The following TPP1 variants were observed in gnomAD, a reference collection of about 807,000 sequenced individuals.
The protein encoded by TPP1 is tripeptidyl-peptidase 1.
In TPP1, 43 loss-of-function variants were observed where a neutral mutation model predicts 67.6. The ratio of observed to expected loss-of-function variants is 0.64; its 90% CI spans 0.50 to 0.82. The LOEUF (loss-of-function observed/expected upper bound fraction) is 0.82, where lower values mean the gene tolerates loss of function less well. Among genes scored for constraint, TPP1 ranks in the 40% least tolerant of loss-of-function variants. The pLI is 0.00. For missense variants in TPP1, 671 were observed against 710.9 expected, an observed-to-expected ratio of 0.94 and a Z score of 0.64; for synonymous variants, 272 against 281.5, an observed-to-expected ratio of 0.97 and a Z score of 0.34.
Position 6,613,143 on chromosome 11 carries a change from C to G in TPP1, c.*1403G>C, listed in dbSNP as rs993472953. On this transcript the variant is annotated 3_prime_UTR_variant, in exon 13 of 13. Transcript: ENST00000299427. ...ACCCAGTCTCTCTCCTAGTCCATATCAGAACCAAGATTCAAACAGGTTTTG... is the reference window on the plus strand; with the variant it reads ...ACCCAGTCTCTCTCCTAGTCCATATGAGAACCAAGATTCAAACAGGTTTTG... The G allele has an allele frequency of 3.3e-5, 5 of 152,224 alleles. No individual in the cohort carries two copies. Among genetic ancestry groups the G allele is most frequent in the African/African-American group, 7.2e-5 (3 of 41,452 alleles). 9.4% of individuals were successfully genotyped at this position (152,224 alleles called of 1,614,324 possible).
At chr11:6,614,809 C>T (rs1324118574) in intron 12 of TPP1, 57 bp downstream of exon 12, 1 of 1,613,820 alleles carries the variant, frequency 6.2e-7, no homozygotes, top group Non-Finnish European at 8.5e-7. Flanking sequence ...CCCAAGTCCC[C>T]CTTAGCACTC....
Position 6,615,215 on chromosome 11 carries a change from C to G in TPP1, c.1381G>C (p.Val461Leu). The G allele has an allele frequency of 1.2e-6, 2 of 1,614,186 alleles. No individual in the cohort carries two copies. The highest frequency in any genetic ancestry group is 1.7e-6 in the Non-Finnish European group (2 of 1,180,040). The change falls in exon 11 of 13, where the codon GTG becomes CTG. Residue 461 changes from valine to leucine, a missense_variant. By Grantham distance (32) the Val-to-Leu change is conservative. Transcript: ENST00000299427. ...DVAALSDGYWVVSNRVPIPWV... is the reference protein window; with the variant it reads ...DVAALSDGYWLVSNRVPIPWV... Reference sequence around the variant, plus strand: ...GGAATGGGCACTCTGTTGCTGACCACCCAGTAGCCATCAGAAAGTGCAGCC... The same window carrying G: ...GGAATGGGCACTCTGTTGCTGACCAGCCAGTAGCCATCAGAAAGTGCAGCC...
rs538963672 is a variant in TPP1, at chr11:6,614,323, A to G, written c.*223T>C. On this transcript the variant is annotated 3_prime_UTR_variant, in exon 13 of 13. Coordinates refer to ENST00000299427, the MANE Select transcript of TPP1 (RefSeq NM_000391.4). ...GCATTCAAAAAATGCTAGTTACAGC[A>G]TCTTATTGAGGAATCTAAGGCAGGA... 2.1e-4 allele frequency: 126 copies of G among 606,414 alleles called. 1 individual carries two copies. Among genetic ancestry groups the G allele is most frequent in the Admixed American group, 4.4e-4 (15 of 33,724 alleles). 37.6% of individuals were successfully genotyped at this position (606,414 alleles called of 1,614,324 possible).
At chr11:6,616,114 G>A in intron 8 of TPP1, 40 bp from the exon 9 acceptor site, 1 of 1,612,514 alleles carries the variant, frequency 6.2e-7, no homozygotes, top group Non-Finnish European at 8.5e-7. Context: ...TAATTGGTTA[G>A]GGCTTAGTAT....
At chr11:6,618,434 T>G in intron 3 of TPP1, 1 of 521,316 alleles carries the variant, frequency 1.9e-6, no homozygotes, top group Non-Finnish European at 3.4e-6. Flanking sequence ...ACGGAGTTGG[T>G]CGTAACAAAA....
intron 7 of TPP1, 60 bp from the exon 8 acceptor site, chr11:6,616,563 T>C: frequency 1.9e-6 from 3 of 1,597,986 alleles, no homozygotes; most frequent in Non-Finnish European, 2.5e-6. Flanking sequence ...CTGGGGGTTG[T>C]CAGGATCTCT....
chr11:6,616,106 A>C, intron 8 of TPP1, 32 bp from the exon 9 acceptor site: 1 of 1,613,492 alleles, frequency 6.2e-7, no homozygotes, highest in Non-Finnish European at 8.5e-7. Flanking sequence ...ATTCATATTA[A>C]TTGGTTAGGG....
chr11:6,616,231 G>A, intron 8 of TPP1, 84 bp downstream of exon 8: 2 of 1,600,890 alleles, frequency 1.2e-6, no homozygotes, highest in Non-Finnish European at 1.7e-6. Flanking sequence ...ATGAGTCAGA[G>A]ACCAGGCTCA....
At position 6,616,736 on chromosome 11, in the gene TPP1, T is replaced by TCCCGGCCCGGC. The variant is rs1198752928; in HGVS notation, c.800_810dup (p.Ile271AlafsTer9). 1 of 1,613,918 alleles carries TCCCGGCCCGGC rather than the reference T, an allele frequency of 6.2e-7. No individual in the cohort carries two copies. Among genetic ancestry groups the TCCCGGCCCGGC allele is most frequent in the Non-Finnish European group, 8.5e-7 (1 of 1,179,974 alleles). The stretch of plus-strand genomic sequence containing the variant: ...TACTGCACATCTAGACTGGCCTCAA[T>TCCCGGCCCGGC]CCCGGCCCGGCCCCGGCCCTGTTGT... On this transcript the variant is annotated frameshift_variant, in exon 7 of 13. Coordinates refer to ENST00000299427, the MANE Select transcript of TPP1 (RefSeq NM_000391.4). LOFTEE classifies it high-confidence loss of function.
chr11:6,614,332 A>G lies in TPP1; in HGVS notation c.*214T>C. ...AAATGCTAGTTACAGCATCTTATTG[A>G]GGAATCTAAGGCAGGAGTAGGGAGA... On this transcript the variant is annotated 3_prime_UTR_variant, in exon 13 of 13. Coordinates refer to ENST00000299427, the MANE Select transcript of TPP1 (RefSeq NM_000391.4). 1.6e-6 allele frequency: 1 copy of G among 615,400 alleles called. No individual in the cohort carries two copies. Among genetic ancestry groups the G allele is most frequent in the Non-Finnish European group, 2.9e-6 (1 of 350,818 alleles). 38.1% of individuals were successfully genotyped at this position (615,400 alleles called of 1,614,324 possible).
chr11:6,615,382 T>C, intron 10 of TPP1, 53 bp from the exon 11 acceptor site: 4 of 1,614,158 alleles, frequency 2.5e-6, no homozygotes, highest in Non-Finnish European at 3.4e-6. Context: ...AGCAGTCAGC[T>C]GAACTGAGGA....
chr11:6,615,262 C>G lies in TPP1; in HGVS notation c.1334G>C (p.Ser445Thr). 1 of 1,614,192 alleles carries G rather than the reference C, an allele frequency of 6.2e-7. No homozygotes were observed. ...AGCCACATCTGGGTAGGCACGGCCACTGGCATTGAAGTAACTGGATGGTGG... is the reference window on the plus strand; with the variant it reads ...AGCCACATCTGGGTAGGCACGGCCAGTGGCATTGAAGTAACTGGATGGTGG... Reference protein sequence around the residue: ...HLPPSSYFNASGRAYPDVAAL... With the variant: ...HLPPSSYFNATGRAYPDVAAL... The change falls in exon 11 of 13, where the codon AGT (serine) becomes ACT (threonine). Residue 445 changes from serine (S) to threonine (T), a missense_variant. Physicochemically the swap from Ser to Thr is moderately conservative, Grantham distance 58 (BLOSUM62 1). Coordinates refer to ENST00000299427, the MANE Select transcript of TPP1 (RefSeq NM_000391.4).
chr11:6,614,794 C>T, intron 12 of TPP1, 72 bp downstream of exon 12: 1 of 1,613,788 alleles, frequency 6.2e-7, no homozygotes, highest in Non-Finnish European at 8.5e-7. Context: ...ACCACCCTAA[C>T]TGCCCCCAAG....
chr11:6,614,260 C>G lies in TPP1; in HGVS notation c.*286G>C, dbSNP rs1005793274. The G allele has an allele frequency of 2.0e-5, 10 of 498,424 alleles. No individual in the cohort carries two copies. The highest frequency in any genetic ancestry group is 3.9e-5 in the African/African-American group (2 of 51,676). The allele number at this position is 498,424 out of a possible 1,614,324, so 30.9% of individuals were successfully genotyped here. On this transcript the variant is annotated 3_prime_UTR_variant, in exon 13 of 13. Transcript: ENST00000299427. ...GTCTGTATACAACCCTTTGGAAAAG[C>G]CTGATTGAAAAGAGAAAGATGAGAT...
intron 3 of TPP1, 129 bp from the exon 4 acceptor site, chr11:6,617,905 G>A: frequency 8.0e-7 from 1 of 1,252,834 alleles, no homozygotes; most frequent in Non-Finnish European, 1.1e-6. Context: ...TATGTGTGCA[G>A]GTGTAGGGTG....
At chr11:6,618,644 TC>T (rs2134597458) in intron 3 of TPP1, 131 bp downstream of exon 3, 1 of 1,278,630 alleles carries the variant, frequency 7.8e-7, no homozygotes, top group Admixed American at 1.9e-5. Flanking sequence ...CTGAACCACA[TC>T]CCCTTTTAGG....
In TPP1 at chr11:6,614,224, T is replaced by C; in HGVS notation, c.*322A>G. 1 of 400,816 alleles carries C rather than the reference T, an allele frequency of 2.5e-6. No individual in the cohort carries two copies. The highest frequency in any genetic ancestry group is 4.7e-6 in the Non-Finnish European group (1 of 213,390). The allele number at this position is 400,816 out of a possible 1,614,324, so 24.8% of individuals were successfully genotyped here. ...ATTGGGGAATGAATATCAAGTGAAA[T>C]AGTGCACAGAGTCTGTATACAACCC... On this transcript the variant is annotated 3_prime_UTR_variant, in exon 13 of 13. Transcript: ENST00000299427.
At chr11:6,615,591 T>C (rs1270141756) in intron 9 of TPP1, 29 bp from the exon 10 acceptor site, 9 of 1,613,636 alleles carry the variant, frequency 5.6e-6, no homozygotes, top group Non-Finnish European at 4.2e-6. Context: ...ATTTGGATAG[T>C]AGGGGACCCA....
At chr11:6,616,928 C>T (rs755729110) in intron 6 of TPP1, 47 bp downstream of exon 6, 2 of 1,614,080 alleles carry the variant, frequency 1.2e-6, no homozygotes, top group East Asian at 2.2e-5. Context: ...GAATTGAGGA[C>T]ACTGTGGGGA....
Sources: gnomAD v4.1 joint callset for allele counts on GRCh38, gnomAD v4.1.1 for gene constraint, MANE v1.5 for transcripts, NCBI Gene and HGNC (gene_info 2026-07-23, HGNC 2026-07-21) for gene names.